Variants in ROBO1 observed in about 807,000 individuals in gnomAD.
ROBO1 encodes the protein roundabout homolog 1.
ROBO1 carries 149 observed loss-of-function variants against 195.9 expected under a neutral mutation model. The ratio of observed to expected loss-of-function variants is 0.76; its 90% CI spans 0.67 to 0.87. The LOEUF (loss-of-function observed/expected upper bound fraction) is 0.87, where lower values mean the gene tolerates loss of function less well. Among genes scored for constraint, ROBO1 ranks in the 40% least tolerant of loss-of-function variants. ROBO1 has a pLI of 0.00. For synonymous variants in ROBO1, 816 were observed against 733.2 expected (o/e 1.11, Z -1.82); for missense variants, 1,933 against 2,068.3 (o/e 0.93, Z 1.27).
At chr3:79,265,708 A>G (rs1266371209) in intron 2 of ROBO1, among the ~76,000 whole-genome samples, 1 of 151,524 alleles carries the variant, frequency 6.6e-6, no homozygotes, top group Non-Finnish European at 1.5e-5. Flanking sequence ...CATAAACTGA[A>G]GAAACCAATA....
intron 4 of ROBO1, among the ~76,000 whole-genome samples, chr3:78,793,746 A>G (rs2084098243): frequency 6.6e-6 from 1 of 152,120 alleles, no homozygotes; most frequent in African/African-American, 2.4e-5. Context: ...GAAAATAATA[A>G]GATATTTAGT....
intron 4 of ROBO1, among the ~76,000 whole-genome samples, chr3:78,863,051 T>C (rs9862445): frequency 0.057 from 8,718 of 152,258 alleles, 651 homozygotes; most frequent in African/African-American, 0.17. Context: ...GTTTAATATC[T>C]AGAAAAACAA....
intron 2 of ROBO1, among the ~76,000 whole-genome samples, chr3:79,570,073 CATGGGTGAAATGTAAGATCCT>C (rs1943229596): frequency 1.3e-5 from 2 of 151,974 alleles, no homozygotes; most frequent in Non-Finnish European, 2.9e-5. Flanking sequence ...TGCACTCCAG[CATGGGTGAAATGTAAGATCCT>C]ATGTTAAACA....
rs909229892 is a variant in ROBO1 at position 79,537,344 on chromosome 3, G to A, written c.88+52480C>T. 2.0e-5 allele frequency among the ~76,000 whole-genome samples: 3 copies of A among 152,096 alleles called. No homozygotes were observed. The East Asian group carries it at 5.8e-4, about 29-fold the overall frequency. ...AACTCACAAGGCATTATGAGGGCAT[G>A]GGAACGTGCAGGAAGTTACCCTGTG... On this transcript the variant is annotated intron_variant, in intron 2 of 30. Coordinates refer to ENST00000464233, the MANE Select transcript of ROBO1 (RefSeq NM_002941.4).
At chr3:79,599,283 A>G (rs544095367) in intron 1 of ROBO1, among the ~76,000 whole-genome samples, 1 of 152,064 alleles carries the variant, frequency 6.6e-6, no homozygotes, top group Non-Finnish European at 1.5e-5. Context: ...AATCTTTGAC[A>G]TCTGTTCAGC....
chr3:78,794,715 T>C (rs1334142864), intron 4 of ROBO1, among the ~76,000 whole-genome samples: 1 of 152,138 alleles, frequency 6.6e-6, no homozygotes, highest in East Asian at 1.9e-4. Flanking sequence ...ACCGAGTAGC[T>C]AGGACTGCAG....
At chr3:78,611,401 G>A (rs1703799911) in intron 28 of ROBO1, among the ~76,000 whole-genome samples, 1 of 152,160 alleles carries the variant, frequency 6.6e-6, no homozygotes, top group Non-Finnish European at 1.5e-5. Context: ...TCCTAGAAAT[G>A]CACTTATTCC....
chr3:78,974,752 T>C (rs899009502), intron 3 of ROBO1, among the ~76,000 whole-genome samples: 2 of 152,152 alleles, frequency 1.3e-5, no homozygotes, highest in Non-Finnish European at 2.9e-5. Context: ...TCTTTCTTGT[T>C]TTCATACCTA....
intron 3 of ROBO1, among the ~76,000 whole-genome samples, chr3:78,994,030 T>TA (rs2077300727): frequency 6.6e-6 from 1 of 152,134 alleles, no homozygotes; most frequent in Non-Finnish European, 1.5e-5. Flanking sequence ...TCCCAGCACT[T>TA]ACATGAAGTT....
At chr3:78,682,699 A>C (rs543052186) in intron 10 of ROBO1, among the ~76,000 whole-genome samples, 1 of 147,802 alleles carries the variant, frequency 6.8e-6, no homozygotes, top group East Asian at 2.0e-4. Context: ...ACACAGTAAT[A>C]TCAAAAAATA....
chr3:78,607,200 TAAA>T, intron 28 of ROBO1, 159 bp from the exon 29 acceptor site: 1 of 684,976 alleles, frequency 1.5e-6, no homozygotes, highest in Non-Finnish European at 2.4e-6. Flanking sequence ...CACAATTTTT[TAAA>T]ATTTATGTTT....
intron 2 of ROBO1, among the ~76,000 whole-genome samples, chr3:79,148,647 G>A (rs1440017382): frequency 6.6e-6 from 1 of 151,774 alleles, no homozygotes; most frequent in Non-Finnish European, 1.5e-5. Flanking sequence ...GATTAGACCT[G>A]TACATGATCA....
At chr3:78,768,929 G>A (rs1193372216) in intron 4 of ROBO1, among the ~76,000 whole-genome samples, 2 of 151,216 alleles carry the variant, frequency 1.3e-5, no homozygotes, top group Admixed American at 1.3e-4. Flanking sequence ...TTGTTCTTGC[G>A]ATAGTTTACT....
intron 26 of ROBO1, among the ~76,000 whole-genome samples, chr3:78,625,939 T>C (rs1704742971): frequency 6.6e-6 from 1 of 151,880 alleles, no homozygotes; most frequent in Non-Finnish European, 1.5e-5. Flanking sequence ...GGAGCTGAGT[T>C]AACCAAGAAG....
chr3:79,183,762 C>T (rs1211344487), intron 2 of ROBO1, among the ~76,000 whole-genome samples: 6 of 152,288 alleles, frequency 3.9e-5, no homozygotes, highest in Admixed American at 2.0e-4. Flanking sequence ...AAAGGAGACA[C>T]ATAGCCAAAC....
At chr3:78,878,675 T>C (rs2107230077) in intron 4 of ROBO1, among the ~76,000 whole-genome samples, 1 of 151,562 alleles carries the variant, frequency 6.6e-6, no homozygotes. Context: ...ATAGACAAGT[T>C]ACTGTCTCAA....
intron 2 of ROBO1, chr3:79,526,416 G>A (rs781059681): frequency 5.9e-5 from 9 of 152,182 alleles, no homozygotes; most frequent in Non-Finnish European, 1.3e-4. Context: ...GTCCTGAATT[G>A]AGTGCAATTA....
At chr3:78,724,491 C>T (rs982602531) in intron 5 of ROBO1, among the ~76,000 whole-genome samples, 1 of 126,378 alleles carries the variant, frequency 7.9e-6, no homozygotes. Context: ...GCCTGGCCAA[C>T]ATGGTGAAAC....
At chr3:78,632,045 T>C (rs374854551) in intron 24 of ROBO1, among the ~76,000 whole-genome samples, 1 of 152,164 alleles carries the variant, frequency 6.6e-6, no homozygotes, top group Non-Finnish European at 1.5e-5. Flanking sequence ...AGAGCATTTA[T>C]TTTAACAAAA....
Sources: allele counts gnomAD v4.1 joint callset (sites outside exome capture counted in the v4.1 genomes callset), GRCh38; gene constraint gnomAD v4.1.1; transcripts MANE v1.5; gene names NCBI Gene and HGNC (gene_info 2026-07-23, HGNC 2026-07-21).